Variants in ROBO2 observed in about 807,000 individuals in gnomAD.
ROBO2 encodes roundabout guidance receptor 2.
ROBO2 carries 53 observed loss-of-function variants against 160.8 expected under a neutral mutation model. The ratio of observed to expected loss-of-function variants is 0.33; its 90% CI spans 0.26 to 0.41. The LOEUF (loss-of-function observed/expected upper bound fraction) is 0.41. ROBO2 is among the 10% of genes least tolerant of loss of function. The pLI, the probability that ROBO2 is intolerant of heterozygous loss-of-function variation, is 1.00. For missense variants in ROBO2, 1,577 were observed against 1,722.4 expected (o/e 0.92, Z 1.49); for synonymous variants, 664 against 611.7 (o/e 1.09, Z -1.26).
intron 1 of ROBO2, among the ~76,000 whole-genome samples, chr3:77,053,267 T>C (rs1224924945): frequency 6.6e-6 from 1 of 152,220 alleles, no homozygotes; most frequent in Non-Finnish European, 1.5e-5. Context: ...TGTTAATATT[T>C]AGACAGTAAA....
At chr3:76,450,506 G>T (rs963926511) in intron 2 of ROBO2, among the ~76,000 whole-genome samples, 40 of 151,968 alleles carry the variant, frequency 2.6e-4, no homozygotes, top group African/African-American at 9.4e-4. Context: ...TAAAAATGTG[G>T]AGTCCTGCTA....
chr3:77,327,902 A>G (rs1251014262), intron 2 of ROBO2, among the ~76,000 whole-genome samples: 16 of 151,578 alleles, frequency 1.1e-4, no homozygotes, highest in Non-Finnish European at 1.5e-5. Context: ...AATACAAAAA[A>G]TAGCCAGGCA....
chr3:76,921,962 A>G (rs2076689636), intron 2 of ROBO2, among the ~76,000 whole-genome samples: 1 of 152,192 alleles, frequency 6.6e-6, no homozygotes, highest in East Asian at 1.9e-4. Context: ...GCAGAATGAA[A>G]TAAAGTGTGA....
At chr3:77,621,462 A>C (rs112735124) in intron 22 of ROBO2, among the ~76,000 whole-genome samples, 1,580 of 152,174 alleles carry the variant, frequency 0.01, 32 homozygotes, top group African/African-American at 0.036. Context: ...TAAATAAATG[A>C]GGGTTGATAA....
At chr3:77,399,013 G>T (rs568796081) in intron 2 of ROBO2, among the ~76,000 whole-genome samples, 43 of 152,124 alleles carry the variant, frequency 2.8e-4, no homozygotes, top group African/African-American at 1.0e-3. Flanking sequence ...TAGCAAAATT[G>T]GTTATTGTCT....
chr3:77,544,932 T>C (rs767587400), intron 6 of ROBO2, among the ~76,000 whole-genome samples: 24 of 152,054 alleles, frequency 1.6e-4, no homozygotes, highest in Admixed American at 3.9e-4. Context: ...CCTACTGTCT[T>C]TCACTTTATT....
At chr3:76,397,408 G>T (rs1273549502) in intron 2 of ROBO2, among the ~76,000 whole-genome samples, 1 of 152,036 alleles carries the variant, frequency 6.6e-6, no homozygotes. Context: ...CAGGACATAG[G>T]CATGGGCAAG....
intron 2 of ROBO2, among the ~76,000 whole-genome samples, chr3:76,466,966 C>T (rs2078396956): frequency 6.6e-6 from 1 of 151,902 alleles, no homozygotes; most frequent in African/African-American, 2.4e-5. Flanking sequence ...GTCATGATGA[C>T]ATTTTAATAG....
At chr3:76,521,816 T>G (rs1389750879) in intron 2 of ROBO2, among the ~76,000 whole-genome samples, 2 of 152,174 alleles carry the variant, frequency 1.3e-5, no homozygotes, top group African/African-American at 2.4e-5. Context: ...TATAGAGTTA[T>G]TATAAATATG....
chr3:76,917,494 A>G (rs1281032852), intron 2 of ROBO2, among the ~76,000 whole-genome samples: 2 of 152,224 alleles, frequency 1.3e-5, no homozygotes, highest in Non-Finnish European at 2.9e-5. Context: ...AATCAGCGCT[A>G]TGCAAATGAA....
At chr3:76,109,245 A>G (rs2070100738) in intron 2 of ROBO2, among the ~76,000 whole-genome samples, 2 of 151,440 alleles carry the variant, frequency 1.3e-5, no homozygotes, top group Non-Finnish European at 1.5e-5. Context: ...GCTTTTTTTC[A>G]TAGTTACATT....
chr3:76,188,065 G>A (rs1036544340), intron 2 of ROBO2, among the ~76,000 whole-genome samples: 8 of 152,030 alleles, frequency 5.3e-5, no homozygotes, highest in Non-Finnish European at 8.8e-5. Flanking sequence ...AGGCCACCCC[G>A]TTAGTTGACA....
intron 2 of ROBO2, among the ~76,000 whole-genome samples, chr3:76,328,849 A>C (rs1385558023): frequency 6.6e-6 from 1 of 150,516 alleles, no homozygotes; most frequent in East Asian, 2.0e-4. Flanking sequence ...ACAGAGCGAG[A>C]CTCCGTCTCA....
intron 21 of ROBO2, among the ~76,000 whole-genome samples, chr3:77,610,741 C>CAAAAAAAAAAAA (rs71629658): frequency 3.6e-3 from 72 of 19,798 alleles, no homozygotes; most frequent in Admixed American, 6.1e-3. Flanking sequence ...GGCCAAAGAC[C>CAAAAAAAAAAAA]AAAAAAAAAA....
chr3:77,426,466 T>A (rs542401752), intron 2 of ROBO2, among the ~76,000 whole-genome samples: 1 of 152,044 alleles, frequency 6.6e-6, no homozygotes, highest in African/African-American at 2.4e-5. Flanking sequence ...GAGATTAAGG[T>A]AACAGATAAG....
At chr3:76,888,810 G>T (rs1170912871) in intron 2 of ROBO2, among the ~76,000 whole-genome samples, 1 of 152,164 alleles carries the variant, frequency 6.6e-6, no homozygotes, top group Non-Finnish European at 1.5e-5. Context: ...AGTTTGTAGT[G>T]TGAATGTTCA....
intron 2 of ROBO2, among the ~76,000 whole-genome samples, chr3:76,385,399 A>G (rs2076835139): frequency 6.6e-6 from 1 of 152,224 alleles, no homozygotes; most frequent in Non-Finnish European, 1.5e-5. Flanking sequence ...CTGAAAAACG[A>G]ACCCATATCT....
chr3:76,523,715 G>A (rs1282144763), intron 2 of ROBO2, among the ~76,000 whole-genome samples: 1 of 152,058 alleles, frequency 6.6e-6, no homozygotes, highest in South Asian at 2.1e-4. Context: ...GTGATGGGAA[G>A]AAGGCTCCTA....
At chr3:77,173,736 G>C (rs2079863360) in intron 2 of ROBO2, among the ~76,000 whole-genome samples, 1 of 152,014 alleles carries the variant, frequency 6.6e-6, no homozygotes, top group Non-Finnish European at 1.5e-5. Flanking sequence ...TTGTTCTCAT[G>C]TCTAATCAGT....
Sources: allele counts gnomAD v4.1 joint callset (sites outside exome capture counted in the v4.1 genomes callset), GRCh38; gene constraint gnomAD v4.1.1; transcripts MANE v1.5; gene names NCBI Gene and HGNC (gene_info 2026-07-23, HGNC 2026-07-21).